The following KCNH7 variants were observed in gnomAD, a reference collection of about 807,000 sequenced individuals.
KCNH7 encodes voltage-gated inwardly rectifying potassium channel KCNH7.
A neutral mutation model predicts 120.8 loss-of-function variants in KCNH7; 49 were observed. The observed-to-expected ratio is 0.41, with a 90% CI of 0.32 to 0.51. The LOEUF (loss-of-function observed/expected upper bound fraction) is 0.51. Ranked by LOEUF, KCNH7 falls within the 20% of genes least tolerant of loss-of-function variation. The probability of loss-of-function intolerance (pLI) is 0.38; values close to 1 mark genes in which losing one functional copy is unlikely to be tolerated. For missense variants in KCNH7, 1,097 were observed against 1,446.6 expected, an observed-to-expected ratio of 0.76 and a Z score of 3.92; for synonymous variants, 547 against 516.1, an observed-to-expected ratio of 1.06 and a Z score of -0.81.
At chr2:162,619,177 A>G (rs943723943) in intron 2 of KCNH7, among the ~76,000 whole-genome samples, 5 of 152,138 alleles carry the variant, frequency 3.3e-5, no homozygotes, top group Admixed American at 3.3e-4. Flanking sequence ...GTGGAAATGC[A>G]TGGTTACTAA....
intron 2 of KCNH7, among the ~76,000 whole-genome samples, chr2:162,661,288 A>G (rs1684950918): frequency 1.3e-5 from 2 of 152,158 alleles, no homozygotes; most frequent in Non-Finnish European, 2.9e-5. Context: ...GGTTACCAAA[A>G]CAGTTCATTC....
intron 4 of KCNH7, among the ~76,000 whole-genome samples, chr2:162,515,931 G>A (rs1401066800): frequency 1.3e-5 from 2 of 151,558 alleles, no homozygotes; most frequent in Non-Finnish European, 3.0e-5. Context: ...TCTACTTCAT[G>A]GTGTCCTTTA....
At chr2:162,833,486 A>G (rs1260287896) in intron 2 of KCNH7, among the ~76,000 whole-genome samples, 1 of 152,176 alleles carries the variant, frequency 6.6e-6, no homozygotes, top group African/African-American at 2.4e-5. Flanking sequence ...ATGTCAAAAG[A>G]TTTACAGCTT....
intron 2 of KCNH7, among the ~76,000 whole-genome samples, chr2:162,752,904 A>AAAAAGAAAAG (rs1688613503): frequency 2.0e-5 from 1 of 50,928 alleles, no homozygotes; most frequent in Non-Finnish European, 4.5e-5. Flanking sequence ...ACATCTCAGA[A>AAAAAGAAAAG]AAAGAAAAGA....
At chr2:162,694,988 G>C (rs186884158) in intron 2 of KCNH7, among the ~76,000 whole-genome samples, 26 of 152,144 alleles carry the variant, frequency 1.7e-4, no homozygotes, top group African/African-American at 5.5e-4. Context: ...TGATCCACCC[G>C]CCTCGGCCTC....
At chr2:162,683,767 T>G (rs1350435351) in intron 2 of KCNH7, among the ~76,000 whole-genome samples, 2 of 152,044 alleles carry the variant, frequency 1.3e-5, no homozygotes, top group African/African-American at 4.8e-5. Flanking sequence ...TATTTTTGAA[T>G]GCCCAAAGTA....
chr2:162,455,939 A>G (rs1688946639), intron 6 of KCNH7, among the ~76,000 whole-genome samples: 1 of 151,814 alleles, frequency 6.6e-6, no homozygotes, highest in Non-Finnish European at 1.5e-5. Context: ...GATCTCCTTC[A>G]GTTCTGTTCT....
intron 2 of KCNH7, among the ~76,000 whole-genome samples, chr2:162,706,146 C>T (rs976216901): frequency 4.6e-5 from 7 of 152,042 alleles, no homozygotes; most frequent in Admixed American, 2.6e-4. Flanking sequence ...TGCTGGAGAC[C>T]GTGGTGCTTC....
intron 2 of KCNH7, among the ~76,000 whole-genome samples, chr2:162,541,711 G>A (rs1400998613): frequency 6.6e-6 from 1 of 151,958 alleles, no homozygotes; most frequent in African/African-American, 2.4e-5. Context: ...CGGGGAAAGG[G>A]AACATCAGGC....
chr2:162,417,867 G>A (rs778261997), intron 9 of KCNH7, among the ~76,000 whole-genome samples: 2 of 152,100 alleles, frequency 1.3e-5, no homozygotes, highest in African/African-American at 2.4e-5. Context: ...TCATGTCAGC[G>A]GGCTCCAGAT....
At chr2:162,624,746 G>A (rs1029551103) in intron 2 of KCNH7, among the ~76,000 whole-genome samples, 2 of 152,066 alleles carry the variant, frequency 1.3e-5, no homozygotes, top group Non-Finnish European at 2.9e-5. Flanking sequence ...TGATAGCCCA[G>A]TTATCTCCTT....
At chr2:162,585,643 TATAA>T (rs1354912608) in intron 2 of KCNH7, among the ~76,000 whole-genome samples, 2 of 151,978 alleles carry the variant, frequency 1.3e-5, no homozygotes, top group Non-Finnish European at 2.9e-5. Flanking sequence ...TTCTATCTAG[TATAA>T]ATAGACACAA....
At chr2:162,404,099 T>TACTG (rs1291378883) in intron 9 of KCNH7, among the ~76,000 whole-genome samples, 1 of 151,960 alleles carries the variant, frequency 6.6e-6, no homozygotes. Flanking sequence ...ATGACTCAGA[T>TACTG]ACTGGCATTT....
chr2:162,808,007 T>C (rs1185605191), intron 2 of KCNH7, among the ~76,000 whole-genome samples: 1 of 152,172 alleles, frequency 6.6e-6, no homozygotes, highest in Non-Finnish European at 1.5e-5. Flanking sequence ...TATCTGTTCT[T>C]TTTTTCTGCA....
chr2:162,647,468 G>T (rs1684404517), intron 2 of KCNH7, among the ~76,000 whole-genome samples: 1 of 152,102 alleles, frequency 6.6e-6, no homozygotes, highest in Non-Finnish European at 1.5e-5. Flanking sequence ...ATCCTAATAT[G>T]GTTGGCTGTG....
chr2:162,763,552 C>T (rs1425327868), intron 2 of KCNH7, among the ~76,000 whole-genome samples: 1 of 151,936 alleles, frequency 6.6e-6, no homozygotes, highest in African/African-American at 2.4e-5. Context: ...AATACGATGG[C>T]CAGAGCTTGA....
At chr2:162,726,942 T>A (rs902187943) in intron 2 of KCNH7, among the ~76,000 whole-genome samples, 1 of 152,214 alleles carries the variant, frequency 6.6e-6, no homozygotes, top group African/African-American at 2.4e-5. Context: ...ACATAAGAAC[T>A]ACAATGTAAT....
At chr2:162,798,828 C>A (rs1023158608) in intron 2 of KCNH7, among the ~76,000 whole-genome samples, 6 of 151,844 alleles carry the variant, frequency 4.0e-5, no homozygotes, top group Non-Finnish European at 8.8e-5. Flanking sequence ...GTAGTGCAAA[C>A]TTGGCACAAC....
At chr2:162,822,559 T>C (rs1428051087) in intron 2 of KCNH7, among the ~76,000 whole-genome samples, 4 of 151,100 alleles carry the variant, frequency 2.6e-5, no homozygotes, top group Admixed American at 6.6e-5. Flanking sequence ...TATCATCCCT[T>C]TCAAACAGGT....
Sources: allele counts gnomAD v4.1 joint callset (sites outside exome capture counted in the v4.1 genomes callset), GRCh38; gene constraint gnomAD v4.1.1; transcripts MANE v1.5; gene names NCBI Gene and HGNC (gene_info 2026-07-23, HGNC 2026-07-21).